The following DAD1 variants were observed in gnomAD, a reference collection of about 807,000 sequenced individuals.
DAD1 encodes defender against cell death 1.
Under a neutral mutation model 9.0 loss-of-function variants are expected in DAD1, and 4 were observed. That is an observed-to-expected ratio of 0.44 (90% confidence interval 0.22 to 1.01). The LOEUF (loss-of-function observed/expected upper bound fraction) is 1.01. Among genes scored for constraint, DAD1 ranks in the 50% least tolerant of loss-of-function variants. DAD1 has a pLI of 0.24. For missense variants in DAD1, 119 were observed against 137.3 expected (o/e 0.87, Z 0.67); for synonymous variants, 60 against 62.5 (o/e 0.96, Z 0.19).
intron 2 of DAD1, among the ~76,000 whole-genome samples, chr14:22,571,008 A>AT (rs59314743): frequency 0.29 from 42,333 of 145,544 alleles, 6,276 homozygotes; most frequent in Middle Eastern, 0.34. Flanking sequence ...ATGGACTGAG[A>AT]TTTTTTTTTT....
chr14:22,570,058 T>C (rs752694170), intron 2 of DAD1, among the ~76,000 whole-genome samples: 6 of 152,118 alleles, frequency 3.9e-5, no homozygotes, highest in Non-Finnish European at 7.4e-5. Flanking sequence ...TTCCTACAAA[T>C]GTAGGACAGT....
At chr14:22,583,047 G>C (rs2037128561) in intron 1 of DAD1, among the ~76,000 whole-genome samples, 1 of 149,466 alleles carries the variant, frequency 6.7e-6, no homozygotes, top group South Asian at 2.1e-4. Flanking sequence ...TTGACACCAC[G>C]TACTAACTGG....
At chr14:22,581,796 T>C in intron 1 of DAD1, among the ~76,000 whole-genome samples, 1 of 133,428 alleles carries the variant, frequency 7.5e-6, no homozygotes, top group Non-Finnish European at 1.6e-5. Flanking sequence ...AAGACTATAG[T>C]GATCAAGGGG....
At chr14:22,569,568 G>A (rs2037024573) in intron 2 of DAD1, among the ~76,000 whole-genome samples, 1 of 152,222 alleles carries the variant, frequency 6.6e-6, no homozygotes, top group African/African-American at 2.4e-5. Context: ...GTGCAGCACT[G>A]GAGGAATGCA....
intron 2 of DAD1, among the ~76,000 whole-genome samples, chr14:22,571,007 G>C (rs1160155292): frequency 9.2e-6 from 1 of 108,264 alleles, no homozygotes; most frequent in Admixed American, 8.7e-5. Flanking sequence ...GATGGACTGA[G>C]ATTTTTTTTT....
In DAD1 at chr14:22,575,127, A is replaced by G. The variant is rs2037067557; in HGVS notation, c.318T>C (p.Leu106=). 1 of 1,614,006 alleles carries G rather than the reference A, an allele frequency of 6.2e-7. No individual in the cohort carries two copies. Among genetic ancestry groups the G allele is most frequent in the African/African-American group, 1.3e-5 (1 of 75,048 alleles). Residue 106 remains leucine, a synonymous_variant, in exon 2 of 3, where the codon CTT becomes CTC. Coordinates refer to ENST00000250498, the MANE Select transcript of DAD1 (RefSeq NM_001344.4). ...DFLFASTILH[L]VVMNFVG is the part of the protein sequence containing the mutation. ...TTCAGCCAACAAAGTTCATGACAAC[A>G]AGGTGCAGGATGGTGCTGGCAAAGA... is the stretch of plus-strand genomic sequence containing the variant.
chr14:22,571,513 G>A (rs751393264), intron 2 of DAD1, among the ~76,000 whole-genome samples: 1 of 151,738 alleles, frequency 6.6e-6, no homozygotes, highest in Non-Finnish European at 1.5e-5. Flanking sequence ...AGCTCACTGG[G>A]AGAATTTTTG....
chr14:22,580,394 T>C (rs2037108135), intron 1 of DAD1, among the ~76,000 whole-genome samples: 1 of 151,804 alleles, frequency 6.6e-6, no homozygotes, highest in Non-Finnish European at 1.5e-5. Context: ...GCCACCGCAC[T>C]CTGGCCTGGG....
intron 1 of DAD1, among the ~76,000 whole-genome samples, chr14:22,582,988 A>C (rs2037127775): frequency 7.0e-6 from 1 of 142,514 alleles, no homozygotes; most frequent in South Asian, 2.3e-4. Flanking sequence ...CCTGGGTGAC[A>C]GAGTGAGACT....
chr14:22,586,715 C>T (rs2037155620), intron 1 of DAD1, among the ~76,000 whole-genome samples: 1 of 152,154 alleles, frequency 6.6e-6, no homozygotes, highest in African/African-American at 2.4e-5. Context: ...TAAAAAGGAA[C>T]AAGGCTACCT....
chr14:22,566,479 G>A (rs570782449), intron 2 of DAD1, among the ~76,000 whole-genome samples: 15 of 152,176 alleles, frequency 9.9e-5, no homozygotes, highest in East Asian at 1.9e-4. Flanking sequence ...GATTACAGGC[G>A]TGTGCCACCA....
intron 1 of DAD1, among the ~76,000 whole-genome samples, chr14:22,587,143 C>T (rs1007563964): frequency 6.6e-6 from 1 of 152,184 alleles, no homozygotes; most frequent in African/African-American, 2.4e-5. Context: ...TCAAAAAAAC[C>T]TTCTGGCTTT....
intron 1 of DAD1, among the ~76,000 whole-genome samples, chr14:22,584,538 C>G (rs2037139499): frequency 6.6e-6 from 1 of 151,316 alleles, no homozygotes; most frequent in Non-Finnish European, 1.5e-5. Context: ...CATAGCAAGA[C>G]CTTGTTCTCT....
rs754529624 is a variant in DAD1 at position 22,589,187 on chromosome 14, C to A, written c.-30G>T. The stretch of plus-strand genomic sequence containing the variant: ...GCACGCAAGGTACTCCGGTCCGCGC[C>A]CCAAACTCTTGGAGGACCCGTCGAC... On this transcript the variant is annotated 5_prime_UTR_variant, in exon 1 of 3. Transcript: ENST00000250498. 6.2e-7 allele frequency: 1 copy of A among 1,612,084 alleles called. No individual in the cohort carries two copies. Among genetic ancestry groups the A allele is most frequent in the South Asian group, 1.1e-5 (1 of 90,926 alleles).
In DAD1 at chr14:22,564,966, G is replaced by A; in HGVS notation, c.*216C>T. On this transcript the variant is annotated 3_prime_UTR_variant, in exon 3 of 3. Transcript: ENST00000250498. ...AAAAGGTTACATTTAATGAAAGGCA[G>A]AGGCTGGATTAATAAATGTTTGTTA... 1 of 611,298 alleles carries A rather than the reference G, an allele frequency of 1.6e-6. No homozygotes were observed. The highest frequency in any genetic ancestry group is 2.9e-6 in the Non-Finnish European group (1 of 342,816). 37.9% of individuals were successfully genotyped at this position (611,298 alleles called of 1,614,324 possible).
At chr14:22,569,311 T>C (rs1271740397) in intron 2 of DAD1, among the ~76,000 whole-genome samples, 1 of 151,854 alleles carries the variant, frequency 6.6e-6, no homozygotes, top group East Asian at 1.9e-4. Context: ...CACACACTTG[T>C]AGTCCCAGCT....
At chr14:22,585,545 T>C (rs1164460581) in intron 1 of DAD1, among the ~76,000 whole-genome samples, 2 of 152,214 alleles carry the variant, frequency 1.3e-5, no homozygotes, top group South Asian at 2.1e-4. Flanking sequence ...GAGGTCCTTT[T>C]AAAGCCAATA....
In DAD1 at chr14:22,565,028, T is replaced by C; in HGVS notation, c.*154A>G. 1.5e-6 allele frequency: 1 copy of C among 687,856 alleles called. No individual in the cohort carries two copies. Among genetic ancestry groups the C allele is most frequent in the South Asian group, 1.5e-5 (1 of 65,134 alleles). 42.6% of individuals were successfully genotyped at this position (687,856 alleles called of 1,614,324 possible). A position where few individuals can be genotyped will look rare whatever the true frequency, so the allele number is the denominator to read the frequency against. ...TGACACACAGTGAACTCTGGGCTTT[T>C]CTCCTGCATAAAAAGCAGAGCTAGC... On this transcript the variant is annotated 3_prime_UTR_variant, in exon 3 of 3. Coordinates refer to ENST00000250498, the MANE Select transcript of DAD1 (RefSeq NM_001344.4).
At chr14:22,574,738 G>A (rs910463386) in intron 2 of DAD1, among the ~76,000 whole-genome samples, 2 of 152,014 alleles carry the variant, frequency 1.3e-5, no homozygotes, top group Non-Finnish European at 2.9e-5. Flanking sequence ...CAAATCTAAA[G>A]GCAAAACCTA....
Sources: gnomAD v4.1 joint callset for allele counts (sites outside exome capture counted in the v4.1 genomes callset) on GRCh38, gnomAD v4.1.1 for gene constraint, MANE v1.5 for transcripts, NCBI Gene and HGNC (gene_info 2026-07-23, HGNC 2026-07-21) for gene names.